Variants in XXYLT1 observed in about 807,000 individuals in gnomAD.
XXYLT1 encodes the protein UDP-xylose:alpha-xyloside alpha-1,3-xylosyltransferase.
A neutral mutation model predicts 28.9 loss-of-function variants in XXYLT1; 20 were observed. That is an observed-to-expected ratio of 0.69 (90% CI 0.49 to 1.00). The LOEUF is 1.00. XXYLT1 is among the 50% of genes least tolerant of loss of function. The pLI is 0.00. For missense variants in XXYLT1, 542 were observed against 560.1 expected, an observed-to-expected ratio of 0.97 and a Z score of 0.33; for synonymous variants, 257 against 253.8, an observed-to-expected ratio of 1.01 and a Z score of -0.12.
chr3:195,157,432 C>T (rs897014752), intron 2 of XXYLT1, among the ~76,000 whole-genome samples: 5 of 152,126 alleles, frequency 3.3e-5, no homozygotes, highest in African/African-American at 1.2e-4. Flanking sequence ...TGAATGATCT[C>T]AGATACCACA....
chr3:195,259,822 C>G (rs1725616488), intron 1 of XXYLT1, among the ~76,000 whole-genome samples: 1 of 152,246 alleles, frequency 6.6e-6, no homozygotes, highest in Non-Finnish European at 1.5e-5. Flanking sequence ...ACACGTTTCC[C>G]ACACTGGCTG....
Position 195,076,557 on chromosome 3 carries a change from G to A in XXYLT1, c.786-6446C>T, listed in dbSNP as rs1189459655. ...AAAGACCACTGGGCTCTGTTAGTTC[G>A]CTAGGGCTGCCATCGCAAAGTACCA... On this transcript the variant is annotated intron_variant, in intron 3 of 3. Transcript: ENST00000310380. This position sits in a 1 kb window ranked among gnomAD's most constrained non-coding sequence, Gnocchi z 5.3. Among the ~76,000 whole-genome samples, 6 of 152,150 alleles carry A rather than the reference G, an allele frequency of 3.9e-5. No individual in the cohort carries two copies. The highest frequency in any genetic ancestry group is 4.8e-5 in the African/African-American group (2 of 41,428).
chr3:195,139,847 T>G (rs959211171), intron 3 of XXYLT1, among the ~76,000 whole-genome samples: 8 of 152,188 alleles, frequency 5.3e-5, no homozygotes, highest in Non-Finnish European at 1.0e-4. Context: ...TTGGCTGTAT[T>G]CACCAACAGT....
chr3:195,096,450 A>G (rs1716450728), intron 3 of XXYLT1, among the ~76,000 whole-genome samples: 1 of 152,188 alleles, frequency 6.6e-6, no homozygotes, highest in African/African-American at 2.4e-5. Flanking sequence ...CACTTACATA[A>G]TACACATGCA....
chr3:195,093,676 A>G (rs1716242845), intron 3 of XXYLT1: 1 of 150,448 alleles, frequency 6.6e-6, no homozygotes, highest in Non-Finnish European at 1.5e-5. Flanking sequence ...AACTTAAAGT[A>G]TAATAAAAAA....
At chr3:195,186,605 T>G (rs971342593) in intron 2 of XXYLT1, among the ~76,000 whole-genome samples, 6 of 152,068 alleles carry the variant, frequency 3.9e-5, no homozygotes, top group Non-Finnish European at 8.8e-5. Flanking sequence ...GAGGAAGTCT[T>G]TAGTAACAAT....
chr3:195,253,291 C>T (rs1161725405), intron 1 of XXYLT1, among the ~76,000 whole-genome samples: 1 of 152,052 alleles, frequency 6.6e-6, no homozygotes. Flanking sequence ...CCAGATGCTG[C>T]ACATGTCACA....
At chr3:195,112,073 A>G (rs1345690997) in intron 3 of XXYLT1, among the ~76,000 whole-genome samples, 1 of 152,188 alleles carries the variant, frequency 6.6e-6, no homozygotes, top group African/African-American at 2.4e-5. Flanking sequence ...CAATCAGTAC[A>G]TTGGTATATA....
At chr3:195,269,919 G>A (rs1194202420) in intron 1 of XXYLT1, among the ~76,000 whole-genome samples, 1 of 152,214 alleles carries the variant, frequency 6.6e-6, no homozygotes, top group East Asian at 1.9e-4. Context: ...AAGGCGGCCA[G>A]CTGTGCTCTC....
At chr3:195,087,727 A>G (rs980840953) in intron 3 of XXYLT1, among the ~76,000 whole-genome samples, 2 of 152,226 alleles carry the variant, frequency 1.3e-5, no homozygotes, top group African/African-American at 4.8e-5. Flanking sequence ...TCCCAGCGTG[A>G]GCGACGCAGA....
chr3:195,106,519 G>A (rs1041956337), intron 3 of XXYLT1, among the ~76,000 whole-genome samples: 4 of 152,230 alleles, frequency 2.6e-5, no homozygotes, highest in Non-Finnish European at 5.9e-5. Flanking sequence ...TCCAGGGCTC[G>A]GTGATTCGGG....
chr3:195,086,233 T>G (rs1315342488), intron 3 of XXYLT1, among the ~76,000 whole-genome samples: 1 of 151,968 alleles, frequency 6.6e-6, no homozygotes, highest in Admixed American at 6.6e-5. Flanking sequence ...GGGAAGAAAA[T>G]CCACAAAACA....
intron 3 of XXYLT1, chr3:195,122,323 G>A (rs1718403083): frequency 1.7e-6 from 1 of 603,626 alleles, no homozygotes; most frequent in Admixed American, 2.8e-5. Context: ...TAAAAGGGCT[G>A]AGGTTAAAAA....
intron 3 of XXYLT1, among the ~76,000 whole-genome samples, chr3:195,147,202 A>G (rs1719899562): frequency 6.6e-6 from 1 of 152,180 alleles, no homozygotes; most frequent in African/African-American, 2.4e-5. Context: ...CTTGAAAGCA[A>G]GAGGCATGTC....
At chr3:195,242,889 C>T (rs1219536236) in intron 1 of XXYLT1, among the ~76,000 whole-genome samples, 1 of 152,112 alleles carries the variant, frequency 6.6e-6, no homozygotes, top group Non-Finnish European at 1.5e-5. Flanking sequence ...GGCTGGCATT[C>T]GCATATCAAA....
intron 3 of XXYLT1, among the ~76,000 whole-genome samples, chr3:195,080,251 G>A (rs1715354890): frequency 6.6e-6 from 1 of 152,210 alleles, no homozygotes; most frequent in Non-Finnish European, 1.5e-5. Context: ...AAGGGGCCCA[G>A]ATGGTGACCT....
At position 195,069,978 on chromosome 3, in the gene XXYLT1, T is replaced by A; in HGVS notation, c.919A>T (p.Ser307Cys). The A allele has an allele frequency of 6.2e-7, 1 of 1,610,316 alleles. No individual in the cohort carries two copies. The highest frequency in any genetic ancestry group is 8.5e-7 in the Non-Finnish European group (1 of 1,179,744). ...LEAMRQSPLYSRLLEPAQVQQ... is the reference protein window; with the variant it reads ...LEAMRQSPLYCRLLEPAQVQQ... ...ACCTGCGCCGGCTCCAGCAGGCGGC[T>A]GTAGAGCGGGGACTGGCGCATGGCC... Residue 307 changes from serine (S) to cysteine (C), a missense_variant, in exon 4 of 4, where the codon AGC becomes TGC. By Grantham distance (112) the Ser-to-Cys change is moderately radical. Coordinates refer to ENST00000310380, the MANE Select transcript of XXYLT1 (RefSeq NM_152531.5).
chr3:195,180,443 C>T lies in XXYLT1; in HGVS notation c.653-23862G>A. 1.0e-6 allele frequency: 1 copy of T among 985,742 alleles called. No individual in the cohort carries two copies. The highest frequency in any genetic ancestry group is 1.2e-6 in the Non-Finnish European group (1 of 830,144). 61.1% of individuals were successfully genotyped at this position (985,742 alleles called of 1,614,324 possible). Reference sequence around the variant, plus strand: ...CCGAGCTGTTTCCTGCTGCTTTTCTCATTTCATGAACTTCTTTTGAACAAT... The same window carrying T: ...CCGAGCTGTTTCCTGCTGCTTTTCTTATTTCATGAACTTCTTTTGAACAAT... On this transcript the variant is annotated intron_variant, in intron 2 of 3. Coordinates refer to ENST00000310380, the MANE Select transcript of XXYLT1 (RefSeq NM_152531.5). This position sits in a 1 kb window ranked among gnomAD's most constrained non-coding sequence, Gnocchi z 5.8.
At chr3:195,175,573 G>A in intron 2 of XXYLT1, 3 of 1,535,534 alleles carry the variant, frequency 2.0e-6, no homozygotes, top group Non-Finnish European at 2.6e-6. Context: ...ACAGGTCTGG[G>A]TGTTTCAGAA....
Sources: gnomAD v4.1 joint callset for allele counts (sites outside exome capture counted in the v4.1 genomes callset) on GRCh38, gnomAD v4.1.1 for gene constraint, Gnocchi (gnomAD v3.1) non-coding constraint, MANE v1.5 for transcripts, NCBI Gene and HGNC (gene_info 2026-07-23, HGNC 2026-07-21) for gene names.